The following LRRC4C variants were observed in gnomAD, a reference collection of about 807,000 sequenced individuals.
LRRC4C encodes the protein leucine-rich repeat-containing protein 4C.
A neutral mutation model predicts 33.6 loss-of-function variants in LRRC4C; 5 were observed. The observed-to-expected ratio is 0.15, with a 90% confidence interval of 0.08 to 0.31. The LOEUF is 0.31. Ranked by LOEUF, LRRC4C falls within the 10% of genes least tolerant of loss-of-function variation. The pLI is 1.00. For missense variants in LRRC4C, 560 were observed against 796.7 expected, an observed-to-expected ratio of 0.70 and a Z score of 3.58; for synonymous variants, 329 against 302.0, an observed-to-expected ratio of 1.09 and a Z score of -0.93.
chr11:40,408,026 T>G (rs1950021770), intron 3 of LRRC4C, among the ~76,000 whole-genome samples: 1 of 151,938 alleles, frequency 6.6e-6, no homozygotes, highest in Non-Finnish European at 1.5e-5. Context: ...AGAGAAGAAT[T>G]ATATCAATCT....
chr11:40,905,462 G>A (rs903457973), intron 2 of LRRC4C, among the ~76,000 whole-genome samples: 11 of 152,026 alleles, frequency 7.2e-5, no homozygotes, highest in Non-Finnish European at 1.5e-4. Flanking sequence ...CTATTGCTGA[G>A]TTTTCAAATG....
At chr11:41,420,217 T>A (rs1954827162) in intron 1 of LRRC4C, among the ~76,000 whole-genome samples, 1 of 151,922 alleles carries the variant, frequency 6.6e-6, no homozygotes, top group Non-Finnish European at 1.5e-5. Context: ...AATGTCTACA[T>A]CATTTCTCCA....
intron 5 of LRRC4C, among the ~76,000 whole-genome samples, chr11:40,146,748 G>T (rs185625109): frequency 5.9e-5 from 9 of 152,060 alleles, no homozygotes; most frequent in Non-Finnish European, 1.3e-4. Flanking sequence ...AATTGGACTA[G>T]GACATCCTCA....
intron 2 of LRRC4C, among the ~76,000 whole-genome samples, chr11:40,899,942 T>A (rs1220402961): frequency 2.0e-5 from 3 of 152,148 alleles, no homozygotes; most frequent in African/African-American, 7.2e-5. Flanking sequence ...GTCTGGAGAG[T>A]ACCTTAAGAC....
intron 3 of LRRC4C, among the ~76,000 whole-genome samples, chr11:40,464,986 A>T: frequency 6.6e-6 from 1 of 152,060 alleles, no homozygotes; most frequent in East Asian, 1.9e-4. Context: ...TATGGAACCA[A>T]AAAAGCACCT....
At chr11:41,310,306 AG>A (rs1004461968) in intron 1 of LRRC4C, among the ~76,000 whole-genome samples, 5 of 152,264 alleles carry the variant, frequency 3.3e-5, no homozygotes, top group Admixed American at 3.3e-4. Flanking sequence ...GAGAAGAATT[AG>A]GACTCTGATG....
intron 3 of LRRC4C, among the ~76,000 whole-genome samples, chr11:40,629,808 T>G (rs1313672660): frequency 1.3e-5 from 2 of 151,828 alleles, no homozygotes; most frequent in Non-Finnish European, 2.9e-5. Flanking sequence ...ATTTGCCTCT[T>G]TATTTTATAC....
At chr11:41,183,868 C>A (rs939824589) in intron 1 of LRRC4C, among the ~76,000 whole-genome samples, 2 of 152,206 alleles carry the variant, frequency 1.3e-5, no homozygotes, top group Non-Finnish European at 2.9e-5. Context: ...CATACATCCT[C>A]TGAAATCTAG....
In LRRC4C at chr11:40,851,415, C is replaced by T. The variant is rs191604099; in HGVS notation, c.-407+82220G>A. On this transcript the variant is annotated intron_variant, in intron 2 of 6. Transcript: ENST00000528697. ...GAGTTCCCTGACCCCTTGTGCTTCC[C>T]GGGTGAGGCAATGCCCCACCCTGCT... 3.0e-3 allele frequency among the ~76,000 whole-genome samples: 449 copies of T among 152,122 alleles called. 3 individuals carry two copies. The highest frequency in any genetic ancestry group is 0.01 in the Middle Eastern group (3 of 294).
chr11:40,489,076 A>G (rs2138492876), intron 3 of LRRC4C, among the ~76,000 whole-genome samples: 1 of 152,196 alleles, frequency 6.6e-6, no homozygotes, highest in South Asian at 2.1e-4. Context: ...CTTGTCCTCC[A>G]CATTTACAAT....
chr11:40,171,193 T>C (rs908988099), intron 5 of LRRC4C, among the ~76,000 whole-genome samples: 1 of 152,258 alleles, frequency 6.6e-6, no homozygotes, highest in Non-Finnish European at 1.5e-5. Context: ...GAATTTTTTA[T>C]TGTTTGGTAG....
chr11:41,164,339 C>A (rs1355718440), intron 1 of LRRC4C, among the ~76,000 whole-genome samples: 1 of 152,052 alleles, frequency 6.6e-6, no homozygotes, highest in African/African-American at 2.4e-5. Flanking sequence ...GGAACAATAA[C>A]AAGCATGAAG....
intron 1 of LRRC4C, among the ~76,000 whole-genome samples, chr11:41,014,796 C>G (rs760202610): frequency 7.9e-5 from 12 of 152,008 alleles, no homozygotes; most frequent in African/African-American, 9.7e-5. Context: ...GTGGGACTTT[C>G]AGGGCTGAAG....
rs1189194629 is a variant in LRRC4C at position 40,154,308 on chromosome 11, AAG to A, written c.-95-13457_-95-13456del. 1.1e-4 allele frequency among the ~76,000 whole-genome samples: 16 copies of A among 152,078 alleles called. No homozygotes were observed. In the South Asian group the frequency reaches 3.1e-3, roughly 30 times the overall value. On this transcript the variant is annotated intron_variant, in intron 5 of 6. Transcript: ENST00000528697. ...AAAGCAAAAAAAAAAAAAAAACAAAAAGCAAAGTACACAGGCAACAAAGAACA... is the reference window on the plus strand; with the variant it reads ...AAAGCAAAAAAAAAAAAAAAACAAAACAAAGTACACAGGCAACAAAGAACA...
At chr11:41,105,047 A>G (rs1225627271) in intron 1 of LRRC4C, among the ~76,000 whole-genome samples, 1 of 151,954 alleles carries the variant, frequency 6.6e-6, no homozygotes, top group African/African-American at 2.4e-5. Flanking sequence ...AAATCATTGA[A>G]CCACACATTT....
chr11:40,460,330 G>T (rs1302828275), intron 3 of LRRC4C, among the ~76,000 whole-genome samples: 1 of 151,798 alleles, frequency 6.6e-6, no homozygotes, highest in Non-Finnish European at 1.5e-5. Flanking sequence ...ATAAATGTTT[G>T]TGCTTGAAAT....
intron 2 of LRRC4C, among the ~76,000 whole-genome samples, chr11:40,853,120 T>G (rs181008326): frequency 6.6e-6 from 1 of 152,280 alleles, no homozygotes; most frequent in Admixed American, 6.5e-5. Context: ...CACAAAATAC[T>G]AGTCAAATAT....
intron 1 of LRRC4C, among the ~76,000 whole-genome samples, chr11:41,249,039 CTT>C (rs1454339736): frequency 2.8e-5 from 4 of 145,002 alleles, no homozygotes; most frequent in Non-Finnish European, 3.0e-5. Flanking sequence ...ATACTGTCTT[CTT>C]TTTTTTTTTT....
intron 5 of LRRC4C, among the ~76,000 whole-genome samples, chr11:40,210,829 G>A (rs1249176813): frequency 1.3e-5 from 2 of 152,170 alleles, no homozygotes; most frequent in Non-Finnish European, 2.9e-5. Context: ...CTGGAGTGCA[G>A]TGGCATCATC....
Sources: gnomAD v4.1 joint callset for allele counts (sites outside exome capture counted in the v4.1 genomes callset) on GRCh38, gnomAD v4.1.1 for gene constraint, MANE v1.5 for transcripts, NCBI Gene and HGNC (gene_info 2026-07-23, HGNC 2026-07-21) for gene names.